The following PDCL2 variants were observed in gnomAD, a reference collection of about 807,000 sequenced individuals.
PDCL2 encodes the protein phosducin like 2.
In PDCL2, 23 loss-of-function variants were observed where a neutral mutation model predicts 30.3. The ratio of observed to expected loss-of-function variants is 0.76; its 90% CI spans 0.55 to 1.08. The LOEUF (loss-of-function observed/expected upper bound fraction) is 1.08. Among genes scored for constraint, PDCL2 ranks in the 50% least tolerant of loss-of-function variants. PDCL2 has a pLI of 0.00. For missense variants in PDCL2, 243 were observed against 282.3 expected (o/e 0.86, Z 1.00); for synonymous variants, 68 against 86.2 (o/e 0.79, Z 1.17).
chr4:55,573,897 G>T (rs200211863), intron 3 of PDCL2, among the ~76,000 whole-genome samples: 1 of 51,136 alleles, frequency 2.0e-5, no homozygotes, highest in African/African-American at 9.1e-5. Flanking sequence ...TTTGTTTTTT[G>T]TTTGTTTTTT....
intron 2 of PDCL2, among the ~76,000 whole-genome samples, chr4:55,581,781 G>GC (rs1257781290): frequency 1.3e-5 from 2 of 152,206 alleles, no homozygotes; most frequent in Non-Finnish European, 2.9e-5. Flanking sequence ...TCAGCTCACT[G>GC]CAAGCTCCAT....
chr4:55,566,209 C>T (rs924635416), intron 4 of PDCL2, among the ~76,000 whole-genome samples: 2 of 151,010 alleles, frequency 1.3e-5, no homozygotes, highest in African/African-American at 4.8e-5. Flanking sequence ...CTCAAACTCC[C>T]GACCTCAGGT....
rs1732118674 is a variant in PDCL2, at chr4:55,561,017, A to G, written c.571+1387T>C. On this transcript the variant is annotated intron_variant, in intron 5 of 5. Coordinates refer to ENST00000295645, the MANE Select transcript of PDCL2 (RefSeq NM_152401.3). Reference sequence around the variant, plus strand: ...TACAGTATTTTTATTATAGCATCCCAAACAGAGAAGACAATAATGATTTCA... The same window carrying G: ...TACAGTATTTTTATTATAGCATCCCGAACAGAGAAGACAATAATGATTTCA... Among the ~76,000 whole-genome samples the G allele has an allele frequency of 2.6e-5, 4 of 152,196 alleles. No individual in the cohort carries two copies. The South Asian group carries it at 8.3e-4, about 32-fold the overall frequency.
intron 1 of PDCL2, among the ~76,000 whole-genome samples, chr4:55,584,702 T>G: frequency 6.6e-6 from 1 of 152,200 alleles, no homozygotes; most frequent in African/African-American, 2.4e-5. Flanking sequence ...ATTTCACTAT[T>G]TCCTTACCTG....
intron 1 of PDCL2, among the ~76,000 whole-genome samples, chr4:55,590,398 G>T (rs74807145): frequency 0.025 from 3,614 of 146,790 alleles, 78 homozygotes; most frequent in Non-Finnish European, 0.04. Flanking sequence ...GAACACTTGA[G>T]CCTGGGAGGT....
intron 4 of PDCL2, among the ~76,000 whole-genome samples, chr4:55,562,834 A>G (rs1732169449): frequency 6.6e-6 from 1 of 151,658 alleles, no homozygotes; most frequent in African/African-American, 2.4e-5. Context: ...GCTAGCTACC[A>G]TGGCAAGCTG....
At chr4:55,571,297 T>C in intron 3 of PDCL2, among the ~76,000 whole-genome samples, 1 of 152,166 alleles carries the variant, frequency 6.6e-6, no homozygotes, top group Admixed American at 6.5e-5. Context: ...TGATGTGGCA[T>C]GCACCCCTCC....
Position 55,562,531 on chromosome 4 carries a change from G to A in PDCL2, c.444C>T (p.Ile148=), listed in dbSNP as rs537838152. 20 of 1,604,076 alleles carry A rather than the reference G, an allele frequency of 1.2e-5. No homozygotes were observed. The highest frequency in any genetic ancestry group is 1.5e-5 in the Non-Finnish European group (18 of 1,175,226). The change falls in exon 5 of 6, where the codon ATC becomes ATT. Residue 148 remains isoleucine (I), a synonymous_variant. Transcript: ENST00000295645. ...GGTAGTGTTGAATACAGCTATTCACGATGGCTTTAACAAATTTAGTTTCTG... is the reference window on the plus strand; with the variant it reads ...GGTAGTGTTGAATACAGCTATTCACAATGGCTTTAACAAATTTAGTTTCTG... ...KFPETKFVKA[I]VNSCIQHYHD... is the part of the protein sequence containing the mutation.
chr4:55,562,141 A>C lies in PDCL2; in HGVS notation c.571+263T>G, dbSNP rs369151434. Among the ~76,000 whole-genome samples, 53 of 152,290 alleles carry C rather than the reference A, an allele frequency of 3.5e-4. No individual in the cohort carries two copies. The South Asian group carries it at 0.011, about 31-fold the overall frequency. On this transcript the variant is annotated intron_variant, in intron 5 of 5. Transcript: ENST00000295645. Reference sequence around the variant, plus strand: ...CAGGAACAGAAACTAGCAAGCACTGAGAAATATAGTTGGAGAGGTGGGTGG... The same window carrying C: ...CAGGAACAGAAACTAGCAAGCACTGCGAAATATAGTTGGAGAGGTGGGTGG...
chr4:55,575,390 A>G (rs1196875923), intron 3 of PDCL2, among the ~76,000 whole-genome samples: 1 of 152,226 alleles, frequency 6.6e-6, no homozygotes, highest in Non-Finnish European at 1.5e-5. Flanking sequence ...AGAATGAAAA[A>G]AAAATAAACA....
At position 55,556,605 on chromosome 4, in the gene PDCL2, A is replaced by T. The variant is rs1251640001; in HGVS notation, c.678T>A (p.Ser226=). 6.3e-7 allele frequency: 1 copy of T among 1,575,406 alleles called. No homozygotes were observed. The highest frequency in any genetic ancestry group is 8.6e-7 in the Non-Finnish European group (1 of 1,157,236). ...DMMVSSIRNT[S]IHDDSDSSNS... ...TGGAGCTATCACTGTCATCATGAAT[A>T]GAAGTGTTTCTAATTGAAGATACCA... Residue 226 remains serine, a synonymous_variant, in exon 6 of 6, where the codon TCT becomes TCA. Coordinates refer to ENST00000295645, the MANE Select transcript of PDCL2 (RefSeq NM_152401.3).
rs189874208 is a variant in PDCL2 at position 55,561,657 on chromosome 4, T to A, written c.571+747A>T. ...TGGTGAGAGAAAATGATTTTTAGTTTTGTAAAATCGAGTTAAAGCAGTGCC... is the reference window on the plus strand; with the variant it reads ...TGGTGAGAGAAAATGATTTTTAGTTATGTAAAATCGAGTTAAAGCAGTGCC... On this transcript the variant is annotated intron_variant, in intron 5 of 5. Coordinates refer to ENST00000295645, the MANE Select transcript of PDCL2 (RefSeq NM_152401.3). Among the ~76,000 whole-genome samples, 3 of 152,280 alleles carry A rather than the reference T, an allele frequency of 2.0e-5. No homozygotes were observed. The East Asian group carries it at 5.8e-4, about 29-fold the overall frequency.
At chr4:55,573,579 G>C (rs1191058543) in intron 3 of PDCL2, among the ~76,000 whole-genome samples, 1 of 151,936 alleles carries the variant, frequency 6.6e-6, no homozygotes. Flanking sequence ...GTGAAATGCT[G>C]TCTCTACCAA....
At chr4:55,577,462 G>A (rs1732601222) in intron 3 of PDCL2, among the ~76,000 whole-genome samples, 3 of 152,188 alleles carry the variant, frequency 2.0e-5, no homozygotes, top group Admixed American at 2.0e-4. Flanking sequence ...CCCCTCTCCA[G>A]AGAGCAGGGA....
In PDCL2 at chr4:55,585,993, T is replaced by G. The variant is rs202151828; in HGVS notation, c.7-3756A>C. On this transcript the variant is annotated intron_variant, in intron 1 of 5. Coordinates refer to ENST00000295645, the MANE Select transcript of PDCL2 (RefSeq NM_152401.3). ...AAAAAACCAAAGATTTTCTTGATTT[T>G]TTCTATTGTTTTTCTAGTCTTTATT... Among the ~76,000 whole-genome samples, 12 of 152,272 alleles carry G rather than the reference T, an allele frequency of 7.9e-5. No individual in the cohort carries two copies. In the East Asian group the frequency reaches 1.9e-3, roughly 24 times the overall value.
At chr4:55,582,446 T>C (rs937848631) in intron 1 of PDCL2, among the ~76,000 whole-genome samples, 3 of 152,188 alleles carry the variant, frequency 2.0e-5, no homozygotes, top group Admixed American at 6.5e-5. Flanking sequence ...TTTAATAAAA[T>C]ATCAATTTAG....
chr4:55,585,436 G>A (rs756196271), intron 1 of PDCL2, among the ~76,000 whole-genome samples: 1 of 152,052 alleles, frequency 6.6e-6, no homozygotes, highest in African/African-American at 2.4e-5. Context: ...ACTGAGGCAG[G>A]AGAATCACTT....
At chr4:55,583,229 A>G (rs1022067129) in intron 1 of PDCL2, among the ~76,000 whole-genome samples, 5 of 152,250 alleles carry the variant, frequency 3.3e-5, no homozygotes, top group African/African-American at 1.2e-4. Flanking sequence ...TCAGCCTTCC[A>G]AACTGCTGGG....
At chr4:55,575,960 G>A (rs932586929) in intron 3 of PDCL2, among the ~76,000 whole-genome samples, 1 of 152,092 alleles carries the variant, frequency 6.6e-6, no homozygotes, top group Non-Finnish European at 1.5e-5. Flanking sequence ...AAATGAAAGA[G>A]CACCAGATAG....
Sources: allele counts gnomAD v4.1 joint callset (sites outside exome capture counted in the v4.1 genomes callset), GRCh38; gene constraint gnomAD v4.1.1; transcripts MANE v1.5; gene names NCBI Gene and HGNC (gene_info 2026-07-23, HGNC 2026-07-21).